HRH1: variants seen among roughly 807,000 people sequenced by gnomAD.
HRH1 encodes the protein histamine H1 receptor.
A neutral mutation model predicts 10.3 loss-of-function variants in HRH1; 6 were observed. The observed-to-expected ratio is 0.58, with a 90% CI of 0.32 to 1.15. HRH1 has a LOEUF of 1.15. Ranked by LOEUF, HRH1 falls within the 50% of genes most tolerant of loss-of-function variation. The pLI is 0.05. For synonymous variants in HRH1, 242 were observed against 236.7 expected (o/e 1.02, Z -0.21); for missense variants, 514 against 615.3 (o/e 0.84, Z 1.74).
chr3:11,226,460 C>G (rs1938884270), intron 1 of HRH1: 1 of 152,272 alleles, frequency 6.6e-6, no homozygotes, highest in Admixed American at 6.5e-5. Context: ...GATGCTGTAG[C>G]TGGCGCTATG....
Position 11,259,226 on chromosome 3 carries a change from C to T in HRH1, c.189C>T (p.Asn63=). 6.2e-7 allele frequency: 1 copy of T among 1,613,720 alleles called. No individual in the cohort carries two copies. Among genetic ancestry groups the T allele is most frequent in the Non-Finnish European group, 8.5e-7 (1 of 1,179,932 alleles). The part of the protein sequence containing the change: ...RSERKLHTVG[N]LYIVSLSVAD... ...AGCGGAAGCTCCACACTGTGGGGAA[C>T]CTGTACATCGTCAGCCTCTCGGTGG... Residue 63 remains asparagine, a synonymous_variant, in exon 2 of 2, where the codon AAC becomes AAT. Coordinates refer to ENST00000431010, the MANE Select transcript of HRH1 (RefSeq NM_001098212.2). This position sits in a 1 kb window ranked among gnomAD's most constrained non-coding sequence, Gnocchi z 4.6.
At chr3:11,178,289 A>G (rs1422549262) in intron 1 of HRH1, among the ~76,000 whole-genome samples, 2 of 152,066 alleles carry the variant, frequency 1.3e-5, no homozygotes, top group Admixed American at 1.3e-4. Context: ...ACACATTGGG[A>G]ATTTCTGCCA....
At chr3:11,182,141 C>T (rs1937367951) in intron 1 of HRH1, among the ~76,000 whole-genome samples, 1 of 151,950 alleles carries the variant, frequency 6.6e-6, no homozygotes. Context: ...TGCCACCGCA[C>T]CTGGCTAATT....
intron 1 of HRH1, among the ~76,000 whole-genome samples, chr3:11,217,550 G>A (rs895666059): frequency 6.6e-6 from 1 of 151,946 alleles, no homozygotes; most frequent in East Asian, 1.9e-4. Context: ...AAAAGGAAGT[G>A]GAATGGTGAG....
At chr3:11,188,130 CGTT>C (rs1345685084) in intron 1 of HRH1, among the ~76,000 whole-genome samples, 6 of 152,252 alleles carry the variant, frequency 3.9e-5, no homozygotes, top group South Asian at 4.2e-4. Flanking sequence ...CGTGAACTAT[CGTT>C]GTTTAACTTT....
At chr3:11,208,585 A>C (rs1162482264) in intron 1 of HRH1, among the ~76,000 whole-genome samples, 1 of 152,238 alleles carries the variant, frequency 6.6e-6, no homozygotes, top group Non-Finnish European at 1.5e-5. Context: ...CAATCCAGGG[A>C]ATATTTTTGT....
At chr3:11,222,661 G>A (rs904516690) in intron 1 of HRH1, among the ~76,000 whole-genome samples, 1 of 151,998 alleles carries the variant, frequency 6.6e-6, no homozygotes, top group Non-Finnish European at 1.5e-5. Context: ...GTGTCTGCTG[G>A]CGAGCTGTGC....
intron 1 of HRH1, among the ~76,000 whole-genome samples, chr3:11,164,946 T>TTGGAGTC (rs1345349260): frequency 6.6e-6 from 1 of 151,874 alleles, no homozygotes; most frequent in Non-Finnish European, 1.5e-5. Flanking sequence ...AAAACAGGAG[T>TTGGAGTC]TGGAGTCTGT....
chr3:11,167,016 CA>C (rs1366767386), intron 1 of HRH1, among the ~76,000 whole-genome samples: 1 of 150,184 alleles, frequency 6.7e-6, no homozygotes, highest in Admixed American at 6.6e-5. Flanking sequence ...TTGGCTTCTC[CA>C]GGCCCATGAC....
rs1002269348 is a variant in HRH1, at chr3:11,195,659, C to T, written c.-36+41105C>T. On this transcript the variant is annotated intron_variant, in intron 1 of 1. Transcript: ENST00000431010. ...CCTTTTGAAAGCCTCAATTCAGGTG[C>T]GTTATCCAGGACTCTCTGGGTTGCC... Among the ~76,000 whole-genome samples, 10 of 152,200 alleles carry T rather than the reference C, an allele frequency of 6.6e-5. No individual in the cohort carries two copies. In the East Asian group the frequency reaches 7.7e-4, roughly 12 times the overall value.
At chr3:11,210,685 G>A (rs545770684) in intron 1 of HRH1, among the ~76,000 whole-genome samples, 6 of 152,014 alleles carry the variant, frequency 3.9e-5, no homozygotes, top group South Asian at 2.1e-4. Context: ...CCCAGCTACC[G>A]GGGAGGCCAA....
intron 1 of HRH1, among the ~76,000 whole-genome samples, chr3:11,224,648 C>T (rs949645410): frequency 6.7e-6 from 1 of 150,178 alleles, no homozygotes; most frequent in Non-Finnish European, 1.5e-5. Context: ...TGCAGCGAGC[C>T]GAGTATGCGC....
intron 1 of HRH1, among the ~76,000 whole-genome samples, chr3:11,199,126 G>C (rs929166101): frequency 2.6e-5 from 4 of 152,022 alleles, no homozygotes; most frequent in African/African-American, 4.8e-5. Context: ...CACCGTGTTG[G>C]CCAGGCTGGT....
intron 1 of HRH1, among the ~76,000 whole-genome samples, chr3:11,239,517 T>C (rs1939278180): frequency 6.6e-6 from 1 of 152,236 alleles, no homozygotes; most frequent in African/African-American, 2.4e-5. Context: ...TTTCTCATCT[T>C]GATGAAGTCC....
rs12636689 is a variant in HRH1, at chr3:11,178,818, A to G, written c.-36+24264A>G. Among the ~76,000 whole-genome samples the G allele has an allele frequency of 3.3e-5, 5 of 151,902 alleles. No individual in the cohort carries two copies. The East Asian group carries it at 9.7e-4, about 29-fold the overall frequency. Reference sequence around the variant, plus strand: ...CCTTGTCTCTGGGGTGGCGTCTGGGAAACCTGAGCTAAGACGGTGACTTGG... The same window carrying G: ...CCTTGTCTCTGGGGTGGCGTCTGGGGAACCTGAGCTAAGACGGTGACTTGG... On this transcript the variant is annotated intron_variant, in intron 1 of 1. Coordinates refer to ENST00000431010, the MANE Select transcript of HRH1 (RefSeq NM_001098212.2).
rs1482937216 is a variant in HRH1, at chr3:11,148,094, C to T, written c.-36+10695C>T. 6.6e-5 allele frequency among the ~76,000 whole-genome samples: 10 copies of T among 151,366 alleles called. 1 individual carries two copies. In the South Asian group the frequency reaches 1.9e-3, roughly 28 times the overall value. ...ACTCAAGAGGCTGAGGCAGGAGAAA[C>T]GCTTGAACCCAGGAGGCGGAGGTTG... On this transcript the variant is annotated intron_variant, in intron 1 of 1. Transcript: ENST00000438284.
chr3:11,196,662 C>T (rs755519118), intron 1 of HRH1, among the ~76,000 whole-genome samples: 1 of 152,034 alleles, frequency 6.6e-6, no homozygotes, highest in Non-Finnish European at 1.5e-5. Context: ...CTCTCAGAGC[C>T]CTTCAGCCCA....
intron 1 of HRH1, chr3:11,234,366 G>T (rs1427624683): frequency 6.2e-7 from 1 of 1,600,512 alleles, no homozygotes; most frequent in Non-Finnish European, 8.6e-7. Flanking sequence ...TCCTCTTGGG[G>T]ATAGAGGTCT....
chr3:11,246,696 ATCATAACTTT>A (rs1215980167), intron 1 of HRH1, among the ~76,000 whole-genome samples: 1 of 152,228 alleles, frequency 6.6e-6, no homozygotes, highest in African/African-American at 2.4e-5. Flanking sequence ...TGACAATTCA[ATCATAACTTT>A]TCTTTCTTTA....
Sources: gnomAD v4.1 joint callset for allele counts (sites outside exome capture counted in the v4.1 genomes callset) on GRCh38, gnomAD v4.1.1 for gene constraint, Gnocchi (gnomAD v3.1) non-coding constraint, MANE v1.5 for transcripts, NCBI Gene and HGNC (gene_info 2026-07-23, HGNC 2026-07-21) for gene names.